The following MAT1A variants were observed in gnomAD, a reference collection of about 807,000 sequenced individuals.
MAT1A encodes the protein S-adenosylmethionine synthase isoform type-1.
In MAT1A, 19 loss-of-function variants were observed where a neutral mutation model predicts 44.0. The ratio of observed to expected loss-of-function variants is 0.43; its 90% CI spans 0.30 to 0.63. MAT1A has a LOEUF of 0.63. Ranked by LOEUF, MAT1A falls within the 30% of genes least tolerant of loss-of-function variation. MAT1A has a pLI of 0.12. For synonymous variants in MAT1A, 205 were observed against 205.6 expected (o/e 1.00, Z 0.03); for missense variants, 397 against 531.0 (o/e 0.75, Z 2.48).
Position 80,276,398 on chromosome 10 carries a change from C to T in MAT1A, c.746G>A (p.Arg249Gln), listed in dbSNP as rs757685655. 6 of 1,614,126 alleles carry T rather than the reference C, an allele frequency of 3.7e-6. No homozygotes were observed. The East Asian group carries it at 8.9e-5, about 24-fold the overall frequency. ...CACCTGGGGACCTCCGATGACAAAC[C>T]GCCCACTGGGCTGCAGGTGGTAGAC... is the stretch of plus-strand genomic sequence containing the variant. ...DTVYHLQPSG[R>Q]FVIGGPQGDA... Residue 249 changes from arginine to glutamine, a missense_variant, in exon 6 of 9, where the codon CGG becomes CAG. Transcript: ENST00000372213.
At position 80,285,516 on chromosome 10, in the gene MAT1A, G is replaced by A. The variant is rs1305390238; in HGVS notation, c.165C>T (p.Ala55=). The change falls in exon 2 of 9, where the codon GCC becomes GCT. Residue 55 remains alanine (A), a synonymous_variant. Coordinates refer to ENST00000372213, the MANE Select transcript of MAT1A (RefSeq NM_000429.3). ...GAGGGATCGGGTGTTTCTTACCACA[G>A]GCCACCTTGGCATTGGGGTCTTGCT... The part of the protein sequence containing the change: ...HLKQDPNAKV[A]CETVCKTGMV... 1.9e-6 allele frequency: 3 copies of A among 1,613,924 alleles called. No homozygotes were observed. The Admixed American group carries it at 5.0e-5, about 27-fold the overall frequency.
At chr10:80,287,144 G>C (rs2880456) in intron 1 of MAT1A, among the ~76,000 whole-genome samples, 1 of 152,170 alleles carries the variant, frequency 6.6e-6, no homozygotes, top group Non-Finnish European at 1.5e-5. Context: ...GATTGTGAAT[G>C]TCTCTGCCTG....
chr10:80,272,748 A>C lies in MAT1A; in HGVS notation c.*1033T>G, dbSNP rs1328199374. ...AGAAGTCCAAAAACCCAATCTCTGC[A>C]TGTCTCTGAGTGGTCAGGGGGCTGG... On this transcript the variant is annotated 3_prime_UTR_variant, in exon 9 of 9. Coordinates refer to ENST00000372213, the MANE Select transcript of MAT1A (RefSeq NM_000429.3). 1 of 152,178 alleles carries C rather than the reference A, an allele frequency of 6.6e-6. No homozygotes were observed. The highest frequency in any genetic ancestry group is 2.4e-5 in the African/African-American group (1 of 41,438). 9.4% of individuals were successfully genotyped at this position (152,178 alleles called of 1,614,324 possible). A position where few individuals can be genotyped will look rare whatever the true frequency, so the allele number is the denominator to read the frequency against.
Position 80,280,165 on chromosome 10 carries a change from C to G in MAT1A, c.549+8G>C, listed in dbSNP as rs1368501932. 2 of 1,613,922 alleles carry G rather than the reference C, an allele frequency of 1.2e-6. No homozygotes were observed. The highest frequency in any genetic ancestry group is 1.7e-6 in the Non-Finnish European group (2 of 1,180,018). ...CTAGGGCTCTCCTGGGGTAATTCAG[C>G]TGCTCACCTGAGTCTTAGAGTCAGG... On this transcript the variant is annotated splice_region_variant and intron_variant, in intron 5 of 8. Transcript: ENST00000372213.
At chr10:80,286,298 C>T (rs1841649714) in intron 1 of MAT1A, among the ~76,000 whole-genome samples, 1 of 152,112 alleles carries the variant, frequency 6.6e-6, no homozygotes. Flanking sequence ...TACCTCTTTG[C>T]CAAGAGGTAA....
chr10:80,277,151 C>T (rs1841500644), intron 5 of MAT1A, among the ~76,000 whole-genome samples: 1 of 152,222 alleles, frequency 6.6e-6, no homozygotes, highest in Non-Finnish European at 1.5e-5. Context: ...AGGCCCAATA[C>T]TGCCGAAAGC....
rs753575379 is a variant in MAT1A at position 80,285,714 on chromosome 10, T to TAA, written c.92-126_92-125insTT. The TAA allele has an allele frequency of 9.8e-5, 69 of 704,722 alleles. 1 individual carries two copies. The Middle Eastern group carries it at 3.2e-3, about 32-fold the overall frequency. 43.7% of individuals were successfully genotyped at this position (704,722 alleles called of 1,614,324 possible). A position where few individuals can be genotyped will look rare whatever the true frequency, so the allele number is the denominator to read the frequency against. On this transcript the variant is annotated intron_variant, in intron 1 of 8. Coordinates refer to ENST00000372213, the MANE Select transcript of MAT1A (RefSeq NM_000429.3). The stretch of plus-strand genomic sequence containing the variant: ...ACTTATCTACCAGAGGGAAAACACT[T>TAA]TTTTTAAGTATAAGAAATTAGAAAT...
In MAT1A at chr10:80,273,658, G is replaced by C; in HGVS notation, c.*123C>G. The C allele has an allele frequency of 2.5e-6, 2 of 787,652 alleles. No individual in the cohort carries two copies. Among genetic ancestry groups the C allele is most frequent in the Non-Finnish European group, 4.6e-6 (2 of 432,136 alleles). 48.8% of individuals were successfully genotyped at this position (787,652 alleles called of 1,614,324 possible). A position where few individuals can be genotyped will look rare whatever the true frequency, so the allele number is the denominator to read the frequency against. On this transcript the variant is annotated 3_prime_UTR_variant, in exon 9 of 9. Coordinates refer to ENST00000372213, the MANE Select transcript of MAT1A (RefSeq NM_000429.3). ...TGATGACAGGACAGGCTAAATGAGA[G>C]GGACCTGGCTTTGCCCTGAGGGTTG... is the stretch of plus-strand genomic sequence containing the variant.
At chr10:80,284,639 C>A (rs904439707) in intron 2 of MAT1A, among the ~76,000 whole-genome samples, 1 of 152,214 alleles carries the variant, frequency 6.6e-6, no homozygotes, top group Admixed American at 6.5e-5. Flanking sequence ...GTAAGGAGAG[C>A]AAGGCTCTGG....
At position 80,276,545 on chromosome 10, in the gene MAT1A, A is replaced by T; in HGVS notation, c.599T>A (p.Ile200Asn). Reference protein sequence around the residue: ...QDNGAVIPVRIHTIVISVQHN... With the variant: ...QDNGAVIPVRNHTIVISVQHN... ...CTGCACAGAGATGACGATGGTGTGGATGCGCACAGGGATGACTGCGCCATT... is the reference window on the plus strand; with the variant it reads ...CTGCACAGAGATGACGATGGTGTGGTTGCGCACAGGGATGACTGCGCCATT... The change falls in exon 6 of 9, where the codon ATC becomes AAC. Residue 200 changes from isoleucine (I) to asparagine (N), a missense_variant. By Grantham distance (149) the Ile-to-Asn change is moderately radical (BLOSUM62 -3). Coordinates refer to ENST00000372213, the MANE Select transcript of MAT1A (RefSeq NM_000429.3). The T allele has an allele frequency of 6.2e-7, 1 of 1,613,916 alleles. No homozygotes were observed. Among genetic ancestry groups the T allele is most frequent in the South Asian group, 1.1e-5 (1 of 91,078 alleles).
chr10:80,286,181 C>T (rs190852239), intron 1 of MAT1A, among the ~76,000 whole-genome samples: 20 of 152,226 alleles, frequency 1.3e-4, no homozygotes, highest in South Asian at 6.2e-4. Context: ...CAAACACACA[C>T]GCATTCTTCT....
intron 8 of MAT1A, 78 bp downstream of exon 8, chr10:80,274,442 G>C: frequency 6.3e-7 from 1 of 1,584,108 alleles, no homozygotes; most frequent in Non-Finnish European, 8.7e-7. Flanking sequence ...CCTCCTTTCT[G>C]CCTCCCTTTC....
intron 7 of MAT1A, 112 bp from the exon 8 acceptor site, chr10:80,274,765 C>T: frequency 7.0e-7 from 1 of 1,433,660 alleles, no homozygotes; most frequent in Admixed American, 1.9e-5. Context: ...CCTCTTGCCC[C>T]ACATGCTCCC....
chr10:80,275,075 G>A lies in MAT1A; in HGVS notation c.893C>T (p.Ala298Val), dbSNP rs752623428. 3.8e-6 allele frequency: 6 copies of A among 1,580,708 alleles called. No homozygotes were observed. The African/African-American group carries it at 6.8e-5, about 18-fold the overall frequency. Residue 298 changes from alanine to valine, a missense_variant, in exon 7 of 9, where the codon GCC (alanine) becomes GTC (valine). Physicochemically the swap from Ala to Val is moderately conservative, Grantham distance 64 (BLOSUM62 0). Transcript: ENST00000372213. ...TKVDRSAAYA[A>V]RWVAKSLVKA... ...CACCAGAGACTTGGCCACCCAGCGG[G>A]CAGCATATGCAGCTGAGCGGTCTAC...
In MAT1A at chr10:80,276,381, G is replaced by A. The variant is rs913435613; in HGVS notation, c.763C>T (p.Pro255Ser). The change falls in exon 6 of 9, where the codon CCC (proline) becomes TCC (serine). Residue 255 changes from proline (P) to serine (S), a missense_variant. Coordinates refer to ENST00000372213, the MANE Select transcript of MAT1A (RefSeq NM_000429.3). ...QPSGRFVIGGPQGDAGVTGRK... is the reference protein window; with the variant it reads ...QPSGRFVIGGSQGDAGVTGRK... ...GTTCAGAGACAAGAATGCACCTGGG[G>A]ACCTCCGATGACAAACCGCCCACTG... is the stretch of plus-strand genomic sequence containing the variant. 10 of 1,614,082 alleles carry A rather than the reference G, an allele frequency of 6.2e-6. No homozygotes were observed. Among genetic ancestry groups the A allele is most frequent in the Non-Finnish European group, 8.5e-6 (10 of 1,180,030 alleles).
At chr10:80,284,240 A>C (rs1195839974) in intron 2 of MAT1A, among the ~76,000 whole-genome samples, 1 of 152,234 alleles carries the variant, frequency 6.6e-6, no homozygotes, top group Non-Finnish European at 1.5e-5. Flanking sequence ...GCTGTCTTGG[A>C]AAGAGTCAGT....
intron 5 of MAT1A, 135 bp from the exon 6 acceptor site, chr10:80,276,729 T>C: frequency 1.2e-6 from 1 of 828,584 alleles, no homozygotes; most frequent in South Asian, 1.3e-5. Context: ...TCAAAGGGTG[T>C]TGGGGGAGTT....
In MAT1A at chr10:80,274,556, T is replaced by C. The variant is rs371241174; in HGVS notation, c.1049A>G (p.His350Arg). 3 of 1,614,232 alleles carry C rather than the reference T, an allele frequency of 1.9e-6. No homozygotes were observed. The highest frequency in any genetic ancestry group is 2.2e-5 in the East Asian group (1 of 44,888). Residue 350 changes from histidine (H) to arginine (R), a missense_variant, in exon 8 of 9, where the codon CAT (histidine) becomes CGT (arginine). Physicochemically the swap from His to Arg is conservative, Grantham distance 29. Coordinates refer to ENST00000372213, the MANE Select transcript of MAT1A (RefSeq NM_000429.3). ...KTERELLDVVHKNFDLRPGVI... is the reference protein window; with the variant it reads ...KTERELLDVVRKNFDLRPGVI... The stretch of plus-strand genomic sequence containing the variant: ...GCCCGGCCGGAGGTCGAAGTTCTTA[T>C]GCACCACATCCAGCAGCTCTCGCTC...
In MAT1A at chr10:80,274,464, G is replaced by A. The variant is rs936565658; in HGVS notation, c.1085+56C>T. On this transcript the variant is annotated intron_variant, in intron 8 of 8. Coordinates refer to ENST00000372213, the MANE Select transcript of MAT1A (RefSeq NM_000429.3). ...TCTGCCTCCCTTTCAGGTGAGGTGA[G>A]CATCTGGGCAAGGAAGGAGCAAGGT... is the stretch of plus-strand genomic sequence containing the variant. 4 of 1,610,824 alleles carry A rather than the reference G, an allele frequency of 2.5e-6. No individual in the cohort carries two copies. The Admixed American group carries it at 6.7e-5, about 27-fold the overall frequency.
Sources: allele counts gnomAD v4.1 joint callset (sites outside exome capture counted in the v4.1 genomes callset), GRCh38; gene constraint gnomAD v4.1.1; transcripts MANE v1.5; gene names NCBI Gene and HGNC (gene_info 2026-07-23, HGNC 2026-07-21).